The following PACRG variants were observed in gnomAD, a reference collection of about 807,000 sequenced individuals.
PACRG encodes parkin coregulated gene protein.
Under a neutral mutation model 29.7 loss-of-function variants are expected in PACRG, and 29 were observed. The ratio of observed to expected loss-of-function variants is 0.98; its 90% CI spans 0.73 to 1.33. The LOEUF (loss-of-function observed/expected upper bound fraction) is 1.33. Ranked by LOEUF, PACRG falls within the 40% of genes most tolerant of loss-of-function variation. The pLI, the probability that PACRG is intolerant of heterozygous loss-of-function variation, is 0.00. For synonymous variants in PACRG, 116 were observed against 118.7 expected (o/e 0.98, Z 0.15); for missense variants, 279 against 316.2 (o/e 0.88, Z 0.89).
intron 4 of PACRG, among the ~76,000 whole-genome samples, chr6:163,287,447 A>G (rs1784440615): frequency 6.6e-6 from 1 of 152,188 alleles, no homozygotes; most frequent in South Asian, 2.1e-4. Context: ...CACAGGCCGC[A>G]CACACGGCCA....
At chr6:163,159,420 T>C (rs1327833916) in intron 4 of PACRG, among the ~76,000 whole-genome samples, 1 of 151,714 alleles carries the variant, frequency 6.6e-6, no homozygotes, top group East Asian at 1.9e-4. Context: ...TAAATTCATG[T>C]GCTGTAAAGG....
chr6:163,045,474 G>A (rs1260729420), intron 2 of PACRG, among the ~76,000 whole-genome samples: 7 of 152,094 alleles, frequency 4.6e-5, no homozygotes, highest in African/African-American at 7.2e-5. Flanking sequence ...ACAGGCGCCC[G>A]TCAACACGCC....
chr6:162,847,873 A>C (rs570176779), intron 2 of PACRG, among the ~76,000 whole-genome samples: 1 of 152,134 alleles, frequency 6.6e-6, no homozygotes, highest in Non-Finnish European at 1.5e-5. Flanking sequence ...TGGACTTTAT[A>C]TCAAAGGCTA....
At position 162,995,053 on chromosome 6, in the gene PACRG, A is replaced by G. The variant is rs1168255234; in HGVS notation, c.292-67097A>G. Among the ~76,000 whole-genome samples the G allele has an allele frequency of 5.5e-3, 822 of 150,536 alleles. 6 individuals are homozygous for G. Among genetic ancestry groups the G allele is most frequent in the African/African-American group, 0.014 (577 of 40,130 alleles). On this transcript the variant is annotated intron_variant, in intron 2 of 4. Transcript: ENST00000366888. ...GGGGTGCCTCCCAGTTAGGCTGCTC[A>G]GGGGTCAGGGGTCAGGGACCCACTT...
chr6:162,944,811 G>C (rs1024844020), intron 2 of PACRG, among the ~76,000 whole-genome samples: 1 of 151,762 alleles, frequency 6.6e-6, no homozygotes, highest in Non-Finnish European at 1.5e-5. Context: ...AAATGAACAA[G>C]GACTTTCTGA....
chr6:163,236,673 G>C (rs1377229784), intron 4 of PACRG, among the ~76,000 whole-genome samples: 2 of 152,210 alleles, frequency 1.3e-5, no homozygotes, highest in Admixed American at 6.5e-5. Context: ...AGACTGTGCC[G>C]CTGTACCAAG....
chr6:162,838,753 C>G (rs1194818139), intron 2 of PACRG, among the ~76,000 whole-genome samples: 1 of 123,312 alleles, frequency 8.1e-6, no homozygotes, highest in Non-Finnish European at 1.7e-5. Flanking sequence ...TCCCCCCACC[C>G]CACCACAGTC....
intron 4 of PACRG, among the ~76,000 whole-genome samples, chr6:163,279,062 G>C (rs1784144994): frequency 6.6e-6 from 1 of 152,148 alleles, no homozygotes; most frequent in African/African-American, 2.4e-5. Flanking sequence ...TTGGTTAGGT[G>C]TATTCCTAAG....
intron 4 of PACRG, among the ~76,000 whole-genome samples, chr6:163,287,299 G>GCAAA (rs1784435403): frequency 6.6e-6 from 1 of 152,146 alleles, no homozygotes; most frequent in Non-Finnish European, 1.5e-5. Context: ...TGCAAAATCT[G>GCAAA]AACAACGTTT....
At chr6:163,205,207 A>G (rs992898712) in intron 4 of PACRG, among the ~76,000 whole-genome samples, 1 of 152,246 alleles carries the variant, frequency 6.6e-6, no homozygotes, top group African/African-American at 2.4e-5. Context: ...ATAGAATTAG[A>G]AAAAACAATT....
chr6:162,801,908 AT>A (rs1328781824), intron 1 of PACRG, among the ~76,000 whole-genome samples: 9 of 152,142 alleles, frequency 5.9e-5, no homozygotes, highest in African/African-American at 1.9e-4. Context: ...AGCAAACATA[AT>A]TTTCTAATAA....
At chr6:163,239,714 GCACACTCCCACATACACACACACT>G (rs1562333313) in intron 4 of PACRG, among the ~76,000 whole-genome samples, 6 of 94,266 alleles carry the variant, frequency 6.4e-5, no homozygotes, top group East Asian at 6.9e-4. Context: ...ACACACACAC[GCACACTCCCACATACACACACACT>G]CACACTCCCA....
intron 3 of PACRG, among the ~76,000 whole-genome samples, chr6:163,069,949 C>T (rs1375218055): frequency 6.6e-6 from 1 of 152,048 alleles, no homozygotes; most frequent in Non-Finnish European, 1.5e-5. Flanking sequence ...CAATGGAGCC[C>T]TAATACATCT....
chr6:162,979,366 T>C (rs1429164162), intron 2 of PACRG, among the ~76,000 whole-genome samples: 2 of 152,186 alleles, frequency 1.3e-5, no homozygotes, highest in African/African-American at 4.8e-5. Context: ...TGCCCATTTC[T>C]TTATTGGATT....
intron 2 of PACRG, among the ~76,000 whole-genome samples, chr6:162,838,388 G>A (rs922536670): frequency 1.3e-5 from 2 of 152,046 alleles, no homozygotes; most frequent in African/African-American, 4.8e-5. Context: ...TCATTATGAG[G>A]GACGTTTATG....
intron 4 of PACRG, among the ~76,000 whole-genome samples, chr6:163,136,830 G>A (rs1452326904): frequency 6.6e-6 from 1 of 152,158 alleles, no homozygotes; most frequent in Non-Finnish European, 1.5e-5. Flanking sequence ...AGAATCATAT[G>A]CGATGAATAA....
chr6:163,197,505 G>A (rs572972099), intron 4 of PACRG, among the ~76,000 whole-genome samples: 7 of 144,138 alleles, frequency 4.9e-5, no homozygotes, highest in African/African-American at 1.0e-4. Context: ...GTGCAGTGGC[G>A]CGATCTCGGC....
chr6:163,179,945 C>G (rs561592720), intron 4 of PACRG, among the ~76,000 whole-genome samples: 1 of 152,232 alleles, frequency 6.6e-6, no homozygotes, highest in African/African-American at 2.4e-5. Context: ...GTGTCCCAGC[C>G]GAGCCCTCCT....
At chr6:162,768,684 C>G (rs577214325) in intron 1 of PACRG, among the ~76,000 whole-genome samples, 8 of 152,164 alleles carry the variant, frequency 5.3e-5, no homozygotes, top group Non-Finnish European at 5.9e-5. Context: ...CTAAGTTGAT[C>G]AAAGTTTTTA....
Sources: gnomAD v4.1 joint callset for allele counts (sites outside exome capture counted in the v4.1 genomes callset) on GRCh38, gnomAD v4.1.1 for gene constraint, MANE v1.5 for transcripts, NCBI Gene and HGNC (gene_info 2026-07-23, HGNC 2026-07-21) for gene names.